DPP10: variants seen among roughly 807,000 people sequenced by gnomAD.
DPP10 encodes the protein dipeptidyl peptidase like 10.
DPP10 carries 33 observed loss-of-function variants against 120.9 expected under a neutral mutation model. That is an observed-to-expected ratio of 0.27 (90% CI 0.21 to 0.37). The LOEUF is 0.37. Among genes scored for constraint, DPP10 ranks in the 10% least tolerant of loss-of-function variants. DPP10 has a pLI of 1.00. For synonymous variants in DPP10, 337 were observed against 326.1 expected, an observed-to-expected ratio of 1.03 and a Z score of -0.36; for missense variants, 816 against 942.8, an observed-to-expected ratio of 0.87 and a Z score of 1.76.
intron 7 of DPP10, among the ~76,000 whole-genome samples, chr2:115,716,989 A>G (rs2092516627): frequency 6.6e-6 from 1 of 152,234 alleles, no homozygotes; most frequent in African/African-American, 2.4e-5. Flanking sequence ...TGGAATCCCC[A>G]TTTGAAATAC....
chr2:114,656,782 A>T (rs1290685973), intron 1 of DPP10, among the ~76,000 whole-genome samples: 2 of 152,200 alleles, frequency 1.3e-5, no homozygotes, highest in Non-Finnish European at 2.9e-5. Flanking sequence ...ATAGAGAAGG[A>T]AGGCACATGA....
chr2:114,589,217 C>T (rs538420610), intron 1 of DPP10, among the ~76,000 whole-genome samples: 1 of 152,266 alleles, frequency 6.6e-6, no homozygotes, highest in Admixed American at 6.5e-5. Context: ...AAGGAAAAAG[C>T]CCCTCAAGTA....
chr2:115,367,314 T>G (rs1187179943), intron 3 of DPP10, among the ~76,000 whole-genome samples: 1 of 151,984 alleles, frequency 6.6e-6, no homozygotes, highest in Non-Finnish European at 1.5e-5. Context: ...GTCCAAATGT[T>G]GGGATTTTTA....
intron 1 of DPP10, among the ~76,000 whole-genome samples, chr2:114,447,083 G>A (rs1052655743): frequency 2.2e-5 from 3 of 133,534 alleles, no homozygotes; most frequent in East Asian, 2.2e-4. Flanking sequence ...TGCAACCTCC[G>A]CCTCCCAGTT....
intron 1 of DPP10, among the ~76,000 whole-genome samples, chr2:115,126,266 A>AT (rs975189051): frequency 6.6e-6 from 1 of 151,686 alleles, no homozygotes; most frequent in African/African-American, 2.4e-5. Context: ...CTACTGGCTA[A>AT]TTTTTTGTAT....
chr2:115,814,227 T>C (rs1018498442), intron 19 of DPP10, among the ~76,000 whole-genome samples: 1 of 152,220 alleles, frequency 6.6e-6, no homozygotes, highest in African/African-American at 2.4e-5. Context: ...TCACTGCTTG[T>C]TTAAATTTTC....
rs1219652252 is a variant in DPP10, at chr2:115,689,935, T to C, written c.576+14T>C. The C allele has an allele frequency of 1.2e-6, 2 of 1,613,098 alleles. No homozygotes were observed. Among genetic ancestry groups the C allele is most frequent in the African/African-American group, 1.3e-5 (1 of 74,894 alleles). On this transcript the variant is annotated intron_variant, in intron 7 of 25. Transcript: ENST00000410059. Reference sequence around the variant, plus strand: ...GGGCAGCAGCTGGTAAGCGCAGGCATTGGTATGCACTGAACACTGCCAATC... The same window carrying C: ...GGGCAGCAGCTGGTAAGCGCAGGCACTGGTATGCACTGAACACTGCCAATC...
chr2:115,474,217 G>T (rs2074923199), intron 3 of DPP10, among the ~76,000 whole-genome samples: 1 of 152,154 alleles, frequency 6.6e-6, no homozygotes. Context: ...AGGACACCAA[G>T]ATTTTTCTCA....
At chr2:115,149,862 AGCACCCT>A (rs1243986151) in intron 1 of DPP10, among the ~76,000 whole-genome samples, 1 of 152,188 alleles carries the variant, frequency 6.6e-6, no homozygotes, top group Non-Finnish European at 1.5e-5. Context: ...AATTTAATTG[AGCACCCT>A]GCATTTTATT....
intron 3 of DPP10, among the ~76,000 whole-genome samples, chr2:115,407,685 T>C (rs566235195): frequency 6.7e-6 from 1 of 148,858 alleles, no homozygotes; most frequent in Admixed American, 6.6e-5. Flanking sequence ...AAAAAAAAAA[T>C]ACTTTTACCT....
intron 10 of DPP10, among the ~76,000 whole-genome samples, chr2:115,747,715 T>C (rs1221212134): frequency 6.6e-6 from 1 of 151,688 alleles, no homozygotes; most frequent in Non-Finnish European, 1.5e-5. Flanking sequence ...TGCCTCAGCC[T>C]ACTGAATAGC....
intron 2 of DPP10, among the ~76,000 whole-genome samples, chr2:115,334,527 A>G (rs1208124173): frequency 6.6e-6 from 1 of 151,810 alleles, no homozygotes; most frequent in Non-Finnish European, 1.5e-5. Context: ...TTATAAAGTC[A>G]ACATAGTTAA....
At chr2:114,598,423 G>A (rs1304786935) in intron 1 of DPP10, among the ~76,000 whole-genome samples, 1 of 151,868 alleles carries the variant, frequency 6.6e-6, no homozygotes, top group Non-Finnish European at 1.5e-5. Context: ...TATTTTGCTT[G>A]TTGTCCAAAG....
intron 1 of DPP10, among the ~76,000 whole-genome samples, chr2:114,648,038 G>T (rs549726709): frequency 6.6e-6 from 1 of 152,192 alleles, no homozygotes; most frequent in East Asian, 1.9e-4. Context: ...TCCCTCCAGG[G>T]CAAGGTTAGA....
intron 1 of DPP10, among the ~76,000 whole-genome samples, chr2:114,451,172 C>G (rs1678254432): frequency 6.6e-6 from 1 of 151,582 alleles, no homozygotes; most frequent in East Asian, 1.9e-4. Flanking sequence ...GGATGGACAG[C>G]TATGGCAAAT....
chr2:115,061,700 A>T (rs1158673766), intron 1 of DPP10, among the ~76,000 whole-genome samples: 1 of 152,162 alleles, frequency 6.6e-6, no homozygotes, highest in Non-Finnish European at 1.5e-5. Flanking sequence ...TGCTTTATGT[A>T]AATTGATTCA....
At chr2:115,642,848 T>C (rs1451260031) in intron 5 of DPP10, among the ~76,000 whole-genome samples, 14 of 151,928 alleles carry the variant, frequency 9.2e-5, no homozygotes, top group Admixed American at 8.5e-4. Flanking sequence ...TTTAAACATA[T>C]AGATATATAG....
chr2:114,928,781 A>G (rs1027459677), intron 1 of DPP10, among the ~76,000 whole-genome samples: 2 of 152,082 alleles, frequency 1.3e-5, no homozygotes, highest in African/African-American at 2.4e-5. Context: ...GAAGCCTCCA[A>G]GCTTTCACCA....
intron 5 of DPP10, among the ~76,000 whole-genome samples, chr2:115,528,486 A>G (rs1193529881): frequency 6.6e-6 from 1 of 152,022 alleles, no homozygotes; most frequent in Non-Finnish European, 1.5e-5. Flanking sequence ...CGACCCAGCA[A>G]TTAAATTTCA....
Sources: allele counts gnomAD v4.1 joint callset (sites outside exome capture counted in the v4.1 genomes callset), GRCh38; gene constraint gnomAD v4.1.1; transcripts MANE v1.5; gene names NCBI Gene and HGNC (gene_info 2026-07-23, HGNC 2026-07-21).